Variants in MED13L observed in about 807,000 individuals in gnomAD.
MED13L encodes the protein mediator of RNA polymerase II transcription subunit 13-like.
A neutral mutation model predicts 220.9 loss-of-function variants in MED13L; 7 were observed. The ratio of observed to expected loss-of-function variants is 0.03; its 90% CI spans 0.02 to 0.06. MED13L has a LOEUF of 0.06. Ranked by LOEUF, MED13L falls within the 10% of genes least tolerant of loss-of-function variation. The probability of loss-of-function intolerance (pLI) is 1.00; values close to 1 mark genes in which losing one functional copy is unlikely to be tolerated. For missense variants in MED13L, 1,965 were observed against 2,760.5 expected, an observed-to-expected ratio of 0.71 and a Z score of 6.46; for synonymous variants, 1,011 against 1,015.2, an observed-to-expected ratio of 1.00 and a Z score of 0.08.
chr12:116,238,866 G>C (rs1415503633), intron 1 of MED13L, among the ~76,000 whole-genome samples: 1 of 152,146 alleles, frequency 6.6e-6, no homozygotes, highest in East Asian at 1.9e-4. Context: ...GGAGGCCTAG[G>C]CGGGCAGATC....
At chr12:116,203,037 C>T (rs975356066) in intron 2 of MED13L, among the ~76,000 whole-genome samples, 2 of 152,158 alleles carry the variant, frequency 1.3e-5, no homozygotes, top group African/African-American at 4.8e-5. Flanking sequence ...GCCACAGAAA[C>T]CAACACTGGA....
At chr12:115,977,131 C>T (rs1487968501) in intron 23 of MED13L, among the ~76,000 whole-genome samples, 2 of 152,116 alleles carry the variant, frequency 1.3e-5, no homozygotes, top group Admixed American at 1.3e-4. Context: ...TCAGCCTGGG[C>T]GACAGAGTAA....
intron 3 of MED13L, among the ~76,000 whole-genome samples, chr12:116,097,020 G>A (rs961750816): frequency 1.1e-4 from 16 of 152,212 alleles, no homozygotes; most frequent in Non-Finnish European, 1.3e-4. Flanking sequence ...AACATCTTAC[G>A]CTTCAGAATT....
At chr12:116,006,496 T>C in intron 11 of MED13L, 85 bp from the exon 12 acceptor site, 2 of 1,074,046 alleles carry the variant, frequency 1.9e-6, no homozygotes, top group Non-Finnish European at 2.9e-6. Context: ...AATTAGAGGG[T>C]AGAATGGAAC....
At chr12:116,183,685 T>G (rs1393333770) in intron 2 of MED13L, among the ~76,000 whole-genome samples, 1 of 152,140 alleles carries the variant, frequency 6.6e-6, no homozygotes, top group Non-Finnish European at 1.5e-5. Flanking sequence ...TATCTGTTTA[T>G]TTTTAAAATT....
At chr12:116,097,018 AC>A (rs1317398739) in intron 3 of MED13L, among the ~76,000 whole-genome samples, 2 of 152,244 alleles carry the variant, frequency 1.3e-5, no homozygotes, top group Non-Finnish European at 2.9e-5. Flanking sequence ...AAAACATCTT[AC>A]GCTTCAGAAT....
rs1873980180 is a variant in MED13L, at chr12:116,277,498, G to A, written c.-367C>T. ...CGGCGCGCGAGGGGAGGCGAGCCCCGGAGCCGCCGCCGCCGCCTCGGAGCC... is the reference window on the plus strand; with the variant it reads ...CGGCGCGCGAGGGGAGGCGAGCCCCAGAGCCGCCGCCGCCGCCTCGGAGCC... On this transcript the variant is annotated 5_prime_UTR_variant, in exon 1 of 31. Coordinates refer to ENST00000281928, the MANE Select transcript of MED13L (RefSeq NM_015335.5). 6.7e-6 allele frequency among the ~76,000 whole-genome samples: 1 copy of A among 148,588 alleles called. No homozygotes were observed. Among genetic ancestry groups the A allele is most frequent in the African/African-American group, 2.4e-5 (1 of 40,848 alleles).
At chr12:116,247,779 C>CTAA (rs1257246404) in intron 1 of MED13L, among the ~76,000 whole-genome samples, 2 of 152,164 alleles carry the variant, frequency 1.3e-5, no homozygotes, top group Non-Finnish European at 2.9e-5. Context: ...AGTTTACCAA[C>CTAA]ATTAACTAAA....
chr12:116,189,849 T>A (rs1248994388), intron 2 of MED13L, among the ~76,000 whole-genome samples: 1 of 152,356 alleles, frequency 6.6e-6, no homozygotes, highest in Non-Finnish European at 1.5e-5. Context: ...ATTGCTAGTA[T>A]ACAGAAGTTC....
intron 4 of MED13L, among the ~76,000 whole-genome samples, chr12:116,094,988 CCT>C (rs1872533348): frequency 6.6e-6 from 1 of 151,944 alleles, no homozygotes; most frequent in Non-Finnish European, 1.5e-5. Flanking sequence ...ATGGCAAAAC[CCT>C]GTCTTTACAA....
chr12:116,069,755 G>GT (rs1219229314), intron 4 of MED13L, among the ~76,000 whole-genome samples: 5 of 152,106 alleles, frequency 3.3e-5, no homozygotes, highest in African/African-American at 1.2e-4. Context: ...TTGACCTCAC[G>GT]TAATGGGTCA....
chr12:116,014,560 G>A (rs1003226711), intron 8 of MED13L, among the ~76,000 whole-genome samples: 3 of 152,092 alleles, frequency 2.0e-5, no homozygotes, highest in Non-Finnish European at 2.9e-5. Context: ...AGAAAGGCAG[G>A]GAGACTGGAA....
intron 2 of MED13L, among the ~76,000 whole-genome samples, chr12:116,200,317 T>C (rs1881931315): frequency 6.6e-6 from 1 of 152,154 alleles, no homozygotes; most frequent in Admixed American, 6.6e-5. Context: ...CTTTGTACAA[T>C]GTTAACAATC....
At chr12:116,079,279 T>C (rs1445975162) in intron 4 of MED13L, among the ~76,000 whole-genome samples, 1 of 152,028 alleles carries the variant, frequency 6.6e-6, no homozygotes, top group Non-Finnish European at 1.5e-5. Flanking sequence ...CTGGCAGTGG[T>C]ATAATTATAG....
At chr12:116,134,270 T>C (rs144330551) in intron 2 of MED13L, among the ~76,000 whole-genome samples, 320 of 152,286 alleles carry the variant, frequency 2.1e-3, no homozygotes, top group African/African-American at 7.4e-3. Context: ...ATCATTAAGG[T>C]AGAAGCAGTA....
Position 115,986,328 on chromosome 12 carries a change from C to G in MED13L, c.4276G>C (p.Glu1426Gln). The change falls in exon 19 of 31, where the codon GAA (glutamate) becomes CAA (glutamine). Residue 1426 changes from glutamate to glutamine, a missense_variant. Coordinates refer to ENST00000281928, the MANE Select transcript of MED13L (RefSeq NM_015335.5). Reference protein sequence around the residue: ...RDVAYIVVCPENEALLEGAKT... With the variant: ...RDVAYIVVCPQNEALLEGAKT... Reference sequence around the variant, plus strand: ...GCTCCTTCGAGCAAGGCCTCATTTTCTGGACACACCACAATATAGGCAACA... The same window carrying G: ...GCTCCTTCGAGCAAGGCCTCATTTTGTGGACACACCACAATATAGGCAACA... 1 of 1,614,134 alleles carries G rather than the reference C, an allele frequency of 6.2e-7. No individual in the cohort carries two copies. The highest frequency in any genetic ancestry group is 8.5e-7 in the Non-Finnish European group (1 of 1,180,002).
chr12:116,091,404 G>A (rs1007520542), intron 4 of MED13L, among the ~76,000 whole-genome samples: 2 of 152,096 alleles, frequency 1.3e-5, no homozygotes, highest in Non-Finnish European at 2.9e-5. Flanking sequence ...TGGATAGAAA[G>A]CAAATACTGT....
At chr12:115,975,919 T>G (rs1876907047) in intron 23 of MED13L, among the ~76,000 whole-genome samples, 181 bp from the exon 24 acceptor site, 1 of 152,152 alleles carries the variant, frequency 6.6e-6, no homozygotes, top group African/African-American at 2.4e-5. Context: ...AATGATTGTT[T>G]AAATCATGTA....
intron 3 of MED13L, among the ~76,000 whole-genome samples, chr12:116,110,886 A>G (rs1013676441): frequency 7.9e-5 from 12 of 152,316 alleles, no homozygotes; most frequent in African/African-American, 2.4e-4. Flanking sequence ...TATCAATGTC[A>G]AGAAAGAAAA....
Sources: allele counts gnomAD v4.1 joint callset (sites outside exome capture counted in the v4.1 genomes callset), GRCh38; gene constraint gnomAD v4.1.1; transcripts MANE v1.5; gene names NCBI Gene and HGNC (gene_info 2026-07-23, HGNC 2026-07-21).